Variants in ADAMTSL1 observed in about 807,000 individuals in gnomAD.
The protein encoded by ADAMTSL1 is ADAMTS like 1, also known as ADAMTS-like protein 1.
A neutral mutation model predicts 201.8 loss-of-function variants in ADAMTSL1; 126 were observed. The observed-to-expected ratio is 0.62, with a 90% confidence interval of 0.54 to 0.72. The LOEUF (loss-of-function observed/expected upper bound fraction) is 0.72, where lower values mean the gene tolerates loss of function less well. ADAMTSL1 is among the 30% of genes least tolerant of loss of function. The pLI is 0.00. For missense variants in ADAMTSL1, 2,679 were observed against 2,277.8 expected, an observed-to-expected ratio of 1.18 and a Z score of -3.59; for synonymous variants, 1,121 against 903.4, an observed-to-expected ratio of 1.24 and a Z score of -4.32.
At chr9:18,691,078 A>G (rs1831185289) in intron 13 of ADAMTSL1, among the ~76,000 whole-genome samples, 1 of 152,222 alleles carries the variant, frequency 6.6e-6, no homozygotes, top group Non-Finnish European at 1.5e-5. Flanking sequence ...CCACAGACTG[A>G]AGAAATGAGC....
At chr9:18,099,421 A>G (rs1421474679) in intron 1 of ADAMTSL1, among the ~76,000 whole-genome samples, 2 of 134,368 alleles carry the variant, frequency 1.5e-5, no homozygotes, top group Non-Finnish European at 3.1e-5. Context: ...GTTGCTCTGG[A>G]GGTTCATATT....
intron 2 of ADAMTSL1, among the ~76,000 whole-genome samples, chr9:18,326,546 G>C (rs944039907): frequency 6.6e-6 from 1 of 152,074 alleles, no homozygotes; most frequent in Admixed American, 6.6e-5. Flanking sequence ...CTAACTGTAA[G>C]AAAATACATT....
chr9:18,183,907 G>A (rs117650242), intron 2 of ADAMTSL1, among the ~76,000 whole-genome samples: 6,326 of 152,156 alleles, frequency 0.042, 195 homozygotes, highest in Non-Finnish European at 0.057. Flanking sequence ...TGAAACAAGC[G>A]CAAACTAATT....
intron 15 of ADAMTSL1, among the ~76,000 whole-genome samples, chr9:18,749,530 TCA>T (rs1458584740): frequency 6.6e-6 from 1 of 152,036 alleles, no homozygotes; most frequent in East Asian, 1.9e-4. Flanking sequence ...CCCCAGAACC[TCA>T]GAGAAAGACT....
In ADAMTSL1 at chr9:18,661,979, C is replaced by CGT; in HGVS notation, c.995_996dup (p.Val333TrpfsTer119). On this transcript the variant is annotated frameshift_variant, in exon 9 of 29. Transcript: ENST00000380548. LOFTEE classifies it high-confidence loss of function. ...TGAGTGCTACGATCTGAGGAGCAAC[C>CGT]GTGTGGTTGCTGACCAATACTGTCA... The CGT allele has an allele frequency of 6.2e-7, 1 of 1,613,968 alleles. No homozygotes were observed. The highest frequency in any genetic ancestry group is 8.5e-7 in the Non-Finnish European group (1 of 1,179,898).
intron 1 of ADAMTSL1, among the ~76,000 whole-genome samples, chr9:18,042,705 G>T (rs917335791): frequency 6.6e-6 from 1 of 152,072 alleles, no homozygotes; most frequent in African/African-American, 2.4e-5. Flanking sequence ...AAAATGGAAA[G>T]TTATATTTTG....
At chr9:18,084,378 T>C (rs1003837900) in intron 1 of ADAMTSL1, among the ~76,000 whole-genome samples, 3 of 151,850 alleles carry the variant, frequency 2.0e-5, no homozygotes, top group African/African-American at 7.3e-5. Flanking sequence ...AAAAATTAGC[T>C]GGGCGCGGTG....
At chr9:18,712,884 G>A (rs1034360072) in intron 14 of ADAMTSL1, among the ~76,000 whole-genome samples, 1 of 148,378 alleles carries the variant, frequency 6.7e-6, no homozygotes, top group African/African-American at 2.5e-5. Flanking sequence ...AAGCCCATCA[G>A]ACTAACAGCG....
intron 1 of ADAMTSL1, among the ~76,000 whole-genome samples, chr9:17,940,857 A>G (rs1024367878): frequency 8.1e-6 from 1 of 123,996 alleles, no homozygotes; most frequent in African/African-American, 3.0e-5. Flanking sequence ...TTAGGCTCCC[A>G]TGGCCCGAAG....
intron 14 of ADAMTSL1, among the ~76,000 whole-genome samples, chr9:18,717,353 T>C (rs1328467044): frequency 6.6e-6 from 1 of 151,856 alleles, no homozygotes; most frequent in Non-Finnish European, 1.5e-5. Context: ...AGGCAATCTG[T>C]TGAAGACATT....
intron 4 of ADAMTSL1, among the ~76,000 whole-genome samples, chr9:18,592,862 C>CT (rs1352014079): frequency 6.6e-6 from 1 of 152,036 alleles, no homozygotes; most frequent in Non-Finnish European, 1.5e-5. Context: ...AACATGGAAT[C>CT]TTTTTTCATT....
At chr9:18,594,820 G>T (rs1824160092) in intron 4 of ADAMTSL1, among the ~76,000 whole-genome samples, 1 of 152,040 alleles carries the variant, frequency 6.6e-6, no homozygotes, top group South Asian at 2.1e-4. Flanking sequence ...CTGGCGTCTT[G>T]TCTGTTTGGT....
chr9:18,439,209 C>T (rs1293318279), intron 2 of ADAMTSL1, among the ~76,000 whole-genome samples: 3 of 152,132 alleles, frequency 2.0e-5, no homozygotes, highest in Non-Finnish European at 4.4e-5. Flanking sequence ...CAAATCACCC[C>T]CGGTTCCTAT....
At chr9:18,026,123 G>C (rs1379941758) in intron 1 of ADAMTSL1, among the ~76,000 whole-genome samples, 1 of 151,978 alleles carries the variant, frequency 6.6e-6, no homozygotes, top group Non-Finnish European at 1.5e-5. Context: ...AGTCTTTAGA[G>C]TTTTCTAGGT....
intron 1 of ADAMTSL1, among the ~76,000 whole-genome samples, chr9:18,109,299 G>T (rs1824900135): frequency 6.6e-6 from 1 of 152,090 alleles, no homozygotes; most frequent in East Asian, 1.9e-4. Flanking sequence ...GATCTGCCAG[G>T]AATCCCTCGG....
chr9:18,569,251 C>T (rs1283559246), intron 3 of ADAMTSL1, among the ~76,000 whole-genome samples: 1 of 152,086 alleles, frequency 6.6e-6, no homozygotes, highest in Non-Finnish European at 1.5e-5. Context: ...TGGCAGAACT[C>T]CATGGACTTT....
At chr9:18,064,865 C>T (rs1233482260) in intron 1 of ADAMTSL1, among the ~76,000 whole-genome samples, 1 of 143,958 alleles carries the variant, frequency 6.9e-6, no homozygotes, top group Non-Finnish European at 1.5e-5. Context: ...GACATTGGAA[C>T]AAAATATTAT....
intron 2 of ADAMTSL1, among the ~76,000 whole-genome samples, chr9:18,219,087 A>T (rs113028812): frequency 1.3e-5 from 2 of 151,638 alleles, no homozygotes; most frequent in African/African-American, 4.8e-5. Context: ...TCATTACTCT[A>T]TTGACTTATA....
Position 18,875,858 on chromosome 9 carries a change from A to T in ADAMTSL1, c.4250-11973A>T, listed in dbSNP as rs62550760. ...TTCAGTGGATTATTGAAGTCTCCAC[A>T]ATTATTATGTTGCCATCTATCTCAT... On this transcript the variant is annotated intron_variant, in intron 23 of 28. Transcript: ENST00000380548. 5.7e-4 allele frequency among the ~76,000 whole-genome samples: 87 copies of T among 152,262 alleles called. No homozygotes were observed. The Middle Eastern group carries it at 0.01, about 18-fold the overall frequency.
Sources: allele counts gnomAD v4.1 joint callset (sites outside exome capture counted in the v4.1 genomes callset), GRCh38; gene constraint gnomAD v4.1.1; transcripts MANE v1.5; gene names NCBI Gene and HGNC (gene_info 2026-07-23, HGNC 2026-07-21).